BRIP1: variants seen among roughly 807,000 people sequenced by gnomAD.
BRIP1 encodes BRCA1 interacting DNA helicase 1.
A neutral mutation model predicts 119.7 loss-of-function variants in BRIP1; 88 were observed. The ratio of observed to expected loss-of-function variants is 0.74; its 90% CI spans 0.62 to 0.88. The LOEUF (loss-of-function observed/expected upper bound fraction) is 0.88, where lower values mean the gene tolerates loss of function less well. BRIP1 is among the 40% of genes least tolerant of loss of function. The pLI is 0.00. For synonymous variants in BRIP1, 443 were observed against 496.5 expected (o/e 0.89, Z 1.43); for missense variants, 1,259 against 1,455.4 (o/e 0.87, Z 2.20).
At chr17:61,786,239 G>C (rs2077705083) in intron 10 of BRIP1, among the ~76,000 whole-genome samples, 1 of 151,904 alleles carries the variant, frequency 6.6e-6, no homozygotes, top group East Asian at 1.9e-4. Context: ...GTGTGTGTGA[G>C]TGTGTGCGTG....
intron 6 of BRIP1, among the ~76,000 whole-genome samples, chr17:61,840,827 A>T (rs572922002): frequency 6.6e-6 from 1 of 152,338 alleles, no homozygotes; most frequent in African/African-American, 2.4e-5. Flanking sequence ...TGTACTACAC[A>T]AAGCTATAGT....
Position 61,795,359 on chromosome 17 carries a change from T to C in BRIP1, c.1341-1630A>G, listed in dbSNP as rs1201560121. ...TTCATTCATTCTATTTTTCTTTTTT[T>C]TGTACTCATTAACCAACCCCTCCTC... On this transcript the variant is annotated intron_variant, in intron 9 of 19. Transcript: ENST00000259008. This position sits in a 1 kb window ranked among gnomAD's most constrained non-coding sequence, Gnocchi z 5.6. Among the ~76,000 whole-genome samples, 1 of 152,030 alleles carries C rather than the reference T, an allele frequency of 6.6e-6. No homozygotes were observed. The highest frequency in any genetic ancestry group is 2.4e-5 in the African/African-American group (1 of 41,426).
intron 19 of BRIP1, 138 bp downstream of exon 19, chr17:61,685,698 G>C: frequency 8.5e-6 from 7 of 822,450 alleles, no homozygotes; most frequent in Non-Finnish European, 1.3e-5. Flanking sequence ...ACACCATACT[G>C]TTTCACTATT....
In BRIP1 at chr17:61,745,855, A is replaced by T. The variant is rs1567782716; in HGVS notation, c.2098-1264T>A. On this transcript the variant is annotated intron_variant, in intron 14 of 19. Transcript: ENST00000259008. This position sits in a 1 kb window ranked among gnomAD's most constrained non-coding sequence, Gnocchi z 4.4. ...ATTTTTAAAATGTCAAAATAAAAGA[A>T]TCAAGTATTCTTTCCAAGAAGCTAG... Among the ~76,000 whole-genome samples the T allele has an allele frequency of 6.6e-6, 1 of 152,254 alleles. No homozygotes were observed. The highest frequency in any genetic ancestry group is 2.1e-4 in the South Asian group (1 of 4,836).
Position 61,787,058 on chromosome 17 carries a change from A to G in BRIP1, c.1474-2634T>C, listed in dbSNP as rs2077730257. ...AATTTATATAAATTTATATAAATTT[A>G]TAAATATAATTATATATAAATATAT... On this transcript the variant is annotated intron_variant, in intron 10 of 19. Coordinates refer to ENST00000259008, the MANE Select transcript of BRIP1 (RefSeq NM_032043.3). 3.5e-5 allele frequency among the ~76,000 whole-genome samples: 4 copies of G among 115,930 alleles called. 1 individual carries two copies. The South Asian group carries it at 1.0e-3, about 29-fold the overall frequency. 76.1% of individuals were successfully genotyped at this position (115,930 alleles called of 152,430 possible).
intron 17 of BRIP1, among the ~76,000 whole-genome samples, chr17:61,694,925 G>A (rs1019285681): frequency 2.0e-5 from 3 of 149,312 alleles, no homozygotes; most frequent in Admixed American, 1.4e-4. Context: ...CTGGATACTA[G>A]ATCCTGCTAC....
rs1297844319 is a variant in BRIP1, at chr17:61,777,603, C to T, written c.1936-1041G>A. On this transcript the variant is annotated intron_variant, in intron 13 of 19. Transcript: ENST00000259008. ...AATTTGGTAGAGCTGCTCACAGAAC[C>T]CAGGGACACATTTACCTACACTTAC... Among the ~76,000 whole-genome samples, 5 of 152,200 alleles carry T rather than the reference C, an allele frequency of 3.3e-5. No homozygotes were observed. In the South Asian group the frequency reaches 1.0e-3, roughly 32 times the overall value.
In BRIP1 at chr17:61,795,026, G is replaced by A. The variant is rs1190659605; in HGVS notation, c.1341-1297C>T. 6.6e-6 allele frequency among the ~76,000 whole-genome samples: 1 copy of A among 152,056 alleles called. No individual in the cohort carries two copies. The highest frequency in any genetic ancestry group is 1.5e-5 in the Non-Finnish European group (1 of 67,992). On this transcript the variant is annotated intron_variant, in intron 9 of 19. Coordinates refer to ENST00000259008, the MANE Select transcript of BRIP1 (RefSeq NM_032043.3). This position sits in a 1 kb window ranked among gnomAD's most constrained non-coding sequence, Gnocchi z 5.6. ...GGTATGAACAATGTCAGAGTGATAA[G>A]CAGAAATCAGTCATCTTGAGTCATC...
rs76172896 is a variant in BRIP1, at chr17:61,828,070, G to A, written c.627+19031C>T. 6.6e-6 allele frequency among the ~76,000 whole-genome samples: 1 copy of A among 152,188 alleles called. No individual in the cohort carries two copies. Among genetic ancestry groups the A allele is most frequent in the East Asian group, 1.9e-4 (1 of 5,186 alleles). ...TCCACTCTTAGGTGTATACCCAAAC[G>A]AATGAAAACAGAGACTCAAACAGAT... On this transcript the variant is annotated intron_variant, in intron 6 of 19. Coordinates refer to ENST00000259008, the MANE Select transcript of BRIP1 (RefSeq NM_032043.3). This position sits in a 1 kb window ranked among gnomAD's most constrained non-coding sequence, Gnocchi z 4.1.
Position 61,686,129 on chromosome 17 carries a change from T to A in BRIP1, c.2612A>T (p.His871Leu), listed in dbSNP as rs1171326662. ...SKWVRQQIQH[H>L]STFESALESL... ...TTCCAGTGCACTTTCAAAGGTTGAA[T>A]GGTGCTGAATCTGCTGCCGTACCCA... The change falls in exon 19 of 20, where the codon CAT becomes CTT. Residue 871 changes from histidine (H) to leucine (L), a missense_variant. Transcript: ENST00000259008. The surrounding 1 kb of genome is among the most constrained non-coding windows in gnomAD (Gnocchi z 5.4). 6.2e-7 allele frequency: 1 copy of A among 1,613,968 alleles called. No individual in the cohort carries two copies. The highest frequency in any genetic ancestry group is 1.3e-5 in the African/African-American group (1 of 74,936).
chr17:61,804,257 C>T lies in BRIP1; in HGVS notation c.919-2783G>A, dbSNP rs1348224068. On this transcript the variant is annotated intron_variant, in intron 7 of 19. Coordinates refer to ENST00000259008, the MANE Select transcript of BRIP1 (RefSeq NM_032043.3). The surrounding 1 kb of genome is among the most constrained non-coding windows in gnomAD (Gnocchi z 4.5). ...AACTAAGTGGTAGAATAATGGGCCA[C>T]TTTTATTTTAATTAATTCTACTATT... Among the ~76,000 whole-genome samples the T allele has an allele frequency of 6.6e-6, 1 of 151,994 alleles. No homozygotes were observed. The highest frequency in any genetic ancestry group is 1.5e-5 in the Non-Finnish European group (1 of 67,994).
chr17:61,781,920 C>CA (rs10710869), intron 11 of BRIP1, among the ~76,000 whole-genome samples: 131 of 128,790 alleles, frequency 1.0e-3, no homozygotes, highest in South Asian at 2.0e-3. Flanking sequence ...GACTCCATCT[C>CA]AAAAAAAAAA....
At position 61,757,719 on chromosome 17, in the gene BRIP1, G is replaced by A. The variant is rs187842926; in HGVS notation, c.2098-13128C>T. Among the ~76,000 whole-genome samples, 13 of 152,218 alleles carry A rather than the reference G, an allele frequency of 8.5e-5. No individual in the cohort carries two copies. In the East Asian group the frequency reaches 2.5e-3, roughly 29 times the overall value. ...ATCATGTGAAAAGAAAACAATAAAA[G>A]CCAGACGCGGTGGCTCACACCTGTA... is the stretch of plus-strand genomic sequence containing the variant. On this transcript the variant is annotated intron_variant, in intron 14 of 19. Coordinates refer to ENST00000259008, the MANE Select transcript of BRIP1 (RefSeq NM_032043.3). This position sits in a 1 kb window ranked among gnomAD's most constrained non-coding sequence, Gnocchi z 4.3.
intron 10 of BRIP1, among the ~76,000 whole-genome samples, chr17:61,786,439 T>C (rs1166288296): frequency 6.6e-6 from 1 of 151,816 alleles, no homozygotes; most frequent in East Asian, 1.9e-4. Flanking sequence ...AGAGGAATGC[T>C]TTTCTCAACA....
At chr17:61,721,949 G>A (rs528609054) in intron 16 of BRIP1, among the ~76,000 whole-genome samples, 6 of 150,892 alleles carry the variant, frequency 4.0e-5, no homozygotes, top group East Asian at 2.0e-4. Flanking sequence ...GGCTGGTCTC[G>A]AACTCCTGAT....
In BRIP1 at chr17:61,769,147, C is replaced by CAA. The variant is rs1039758632; in HGVS notation, c.2097+7252_2097+7253dup. Among the ~76,000 whole-genome samples, 1 of 152,156 alleles carries CAA rather than the reference C, an allele frequency of 6.6e-6. No individual in the cohort carries two copies. Among genetic ancestry groups the CAA allele is most frequent in the Non-Finnish European group, 1.5e-5 (1 of 68,032 alleles). The stretch of plus-strand genomic sequence containing the variant: ...CCCTGGAAGCTAATCTTTCCCCAGT[C>CAA]AAGCCTTTAGTGAGACCACAACCCC... On this transcript the variant is annotated intron_variant, in intron 14 of 19. Coordinates refer to ENST00000259008, the MANE Select transcript of BRIP1 (RefSeq NM_032043.3). The surrounding 1 kb of genome is among the most constrained non-coding windows in gnomAD (Gnocchi z 4.9).
chr17:61,765,394 TATATATATATATATATATATATATA>T lies in BRIP1; in HGVS notation c.2097+10982_2097+11006del, dbSNP rs1567798799. 6.0e-3 allele frequency among the ~76,000 whole-genome samples: 95 copies of T among 15,880 alleles called. 3 individuals are homozygous for T. The highest frequency in any genetic ancestry group is 0.012 in the Non-Finnish European group (84 of 7,304). The allele number at this position is 15,880 out of a possible 152,430, so 10.4% of individuals were successfully genotyped here. A position where few individuals can be genotyped will look rare whatever the true frequency, so the allele number is the denominator to read the frequency against. ...TGTGTATATATTATATATATATATA[TATATATATATATATATATATATATA>T]TATATTTTTTTTTTTTTTTTTTTTT... On this transcript the variant is annotated intron_variant, in intron 14 of 19. Coordinates refer to ENST00000259008, the MANE Select transcript of BRIP1 (RefSeq NM_032043.3).
intron 16 of BRIP1, among the ~76,000 whole-genome samples, chr17:61,716,826 T>G (rs1281851191): frequency 6.6e-6 from 1 of 151,904 alleles, no homozygotes; most frequent in Non-Finnish European, 1.5e-5. Context: ...TTATTTCCAC[T>G]ACTGGATTAT....
At position 61,811,017 on chromosome 17, in the gene BRIP1, C is replaced by T. The variant is rs926548153; in HGVS notation, c.628-2260G>A. 2.0e-5 allele frequency among the ~76,000 whole-genome samples: 3 copies of T among 152,144 alleles called. No homozygotes were observed. The East Asian group carries it at 5.8e-4, about 29-fold the overall frequency. On this transcript the variant is annotated intron_variant, in intron 6 of 19. Coordinates refer to ENST00000259008, the MANE Select transcript of BRIP1 (RefSeq NM_032043.3). ...AAAGCAAAAGATCAAGAACTAGTCT[C>T]AGAAAACTTTTCTCACTAGAGTGAC... is the stretch of plus-strand genomic sequence containing the variant.
Sources: allele counts gnomAD v4.1 joint callset (sites outside exome capture counted in the v4.1 genomes callset), GRCh38; gene constraint gnomAD v4.1.1; non-coding constraint Gnocchi (gnomAD v3.1); transcripts MANE v1.5; gene names NCBI Gene and HGNC (gene_info 2026-07-23, HGNC 2026-07-21).